The following CREB5 variants were observed in gnomAD, a reference collection of about 807,000 sequenced individuals.
The protein encoded by CREB5 is cAMP responsive element binding protein 5.
A neutral mutation model predicts 57.1 loss-of-function variants in CREB5; 19 were observed. That is an observed-to-expected ratio of 0.33 (90% CI 0.23 to 0.49). The LOEUF is 0.49. Among genes scored for constraint, CREB5 ranks in the 20% least tolerant of loss-of-function variants. The pLI is 0.99. For synonymous variants in CREB5, 238 were observed against 238.3 expected, an observed-to-expected ratio of 1.00 and a Z score of 0.01; for missense variants, 579 against 671.6, an observed-to-expected ratio of 0.86 and a Z score of 1.52.
chr7:28,760,643 A>G (rs1055016784), intron 7 of CREB5, among the ~76,000 whole-genome samples: 1 of 152,006 alleles, frequency 6.6e-6, no homozygotes, highest in Non-Finnish European at 1.5e-5. Flanking sequence ...ATTTCCCTCC[A>G]AAATATAGCA....
intron 1 of CREB5, among the ~76,000 whole-genome samples, chr7:28,425,300 A>G (rs1788458148): frequency 1.3e-5 from 2 of 152,182 alleles, no homozygotes; most frequent in Non-Finnish European, 2.9e-5. Context: ...TATAACATGA[A>G]TGAACCTTGA....
intron 1 of CREB5, among the ~76,000 whole-genome samples, chr7:28,378,297 ATT>A (rs34363769): frequency 1.1e-4 from 16 of 150,786 alleles, no homozygotes; most frequent in African/African-American, 2.4e-4. Context: ...AACTCCTGGG[ATT>A]TTTTTTTTTC....
rs115524630 is a variant in CREB5 at position 28,472,620 on chromosome 7, A to G, written c.4-15555A>G. On this transcript the variant is annotated intron_variant, in intron 1 of 10. Transcript: ENST00000357727. ...ACGCATGGGATAGGCTGTGTGTTTTATTGTATGAGAAGGTGAGCATCTGTT... is the reference window on the plus strand; with the variant it reads ...ACGCATGGGATAGGCTGTGTGTTTTGTTGTATGAGAAGGTGAGCATCTGTT... Among the ~76,000 whole-genome samples, 657 of 152,220 alleles carry G rather than the reference A, an allele frequency of 4.3e-3. 11 individuals carry two copies. The highest frequency in any genetic ancestry group is 0.014 in the African/African-American group (576 of 41,506).
At chr7:28,572,966 A>G (rs1450264023) in intron 5 of CREB5, among the ~76,000 whole-genome samples, 1 of 152,102 alleles carries the variant, frequency 6.6e-6, no homozygotes, top group African/African-American at 2.4e-5. Flanking sequence ...GAGGGAGGCT[A>G]TTTCTTTTAT....
At chr7:28,538,057 T>A (rs1299360180) in intron 4 of CREB5, among the ~76,000 whole-genome samples, 1 of 151,762 alleles carries the variant, frequency 6.6e-6, no homozygotes, top group East Asian at 1.9e-4. Flanking sequence ...TTTTGTTTTG[T>A]TTTTATTTTT....
intron 3 of CREB5, 100 bp downstream of exon 3, chr7:28,495,099 C>T (rs1226816819): frequency 4.2e-6 from 3 of 715,796 alleles, no homozygotes; most frequent in African/African-American, 1.8e-5. Flanking sequence ...GTAAATTGTG[C>T]ACCTTGAAAA....
At chr7:28,504,152 C>T (rs986934604) in intron 3 of CREB5, among the ~76,000 whole-genome samples, 1 of 152,216 alleles carries the variant, frequency 6.6e-6, no homozygotes, top group African/African-American at 2.4e-5. Context: ...TGATCTCACA[C>T]GGTACCAGTT....
chr7:28,552,580 G>T (rs78496132), intron 4 of CREB5, among the ~76,000 whole-genome samples: 12,605 of 152,106 alleles, frequency 0.083, 581 homozygotes, highest in South Asian at 0.13. Context: ...TCTGTCTCCT[G>T]GGCAGTCTTG....
At chr7:28,424,112 G>A (rs953969845) in intron 1 of CREB5, among the ~76,000 whole-genome samples, 4 of 152,104 alleles carry the variant, frequency 2.6e-5, no homozygotes, top group African/African-American at 7.2e-5. Context: ...TCTTCCCTTC[G>A]CATATCTGTC....
At chr7:28,353,537 G>A (rs1312581176) in intron 1 of CREB5, among the ~76,000 whole-genome samples, 1 of 152,106 alleles carries the variant, frequency 6.6e-6, no homozygotes, top group African/African-American at 2.4e-5. Flanking sequence ...GGGAAAGGAA[G>A]CAGCATACAA....
chr7:28,762,622 C>G (rs1253493492), intron 7 of CREB5, among the ~76,000 whole-genome samples: 2 of 152,066 alleles, frequency 1.3e-5, no homozygotes, highest in African/African-American at 4.8e-5. Flanking sequence ...TTCCCTTCTA[C>G]CCAACACAAA....
intron 7 of CREB5, among the ~76,000 whole-genome samples, chr7:28,773,173 A>C (rs1411076436): frequency 6.6e-6 from 1 of 152,186 alleles, no homozygotes; most frequent in Admixed American, 6.5e-5. Context: ...AAACAAACAA[A>C]AAAAAAATCA....
At chr7:28,553,286 T>C (rs17156837) in intron 4 of CREB5, among the ~76,000 whole-genome samples, 7,302 of 152,334 alleles carry the variant, frequency 0.048, 393 homozygotes, top group African/African-American at 0.12. Flanking sequence ...TGCATTTTTG[T>C]GTAAACATGT....
intron 1 of CREB5, among the ~76,000 whole-genome samples, chr7:28,300,104 A>T (rs1785075441): frequency 7.1e-6 from 1 of 141,074 alleles, no homozygotes; most frequent in African/African-American, 2.6e-5. Flanking sequence ...ATTTATTACT[A>T]CCTTAGGTGT....
chr7:28,387,688 T>C (rs1391749304), intron 1 of CREB5, among the ~76,000 whole-genome samples: 1 of 152,066 alleles, frequency 6.6e-6, no homozygotes, highest in Non-Finnish European at 1.5e-5. Flanking sequence ...GATGCTGGGC[T>C]TAATACCTAG....
intron 7 of CREB5, among the ~76,000 whole-genome samples, chr7:28,741,948 C>G (rs1804377383): frequency 6.6e-6 from 1 of 151,696 alleles, no homozygotes. Context: ...CGCCTGTAGT[C>G]CCAGCTACTT....
At chr7:28,609,015 A>T (rs1007217035) in intron 5 of CREB5, 2 of 152,218 alleles carry the variant, frequency 1.3e-5, no homozygotes, top group Non-Finnish European at 2.9e-5. Flanking sequence ...AGTTGTAATA[A>T]GAAAGTCAAA....
At chr7:28,325,617 A>C (rs762853730) in intron 1 of CREB5, among the ~76,000 whole-genome samples, 2 of 152,116 alleles carry the variant, frequency 1.3e-5, no homozygotes, top group Non-Finnish European at 2.9e-5. Context: ...TGTGCCTGCT[A>C]TGCATACTTC....
At chr7:28,681,691 T>G (rs1208286565) in intron 5 of CREB5, among the ~76,000 whole-genome samples, 1 of 152,186 alleles carries the variant, frequency 6.6e-6, no homozygotes. Context: ...TGGGATACAA[T>G]CTGCTTCAGG....
Sources: gnomAD v4.1 joint callset for allele counts (sites outside exome capture counted in the v4.1 genomes callset) on GRCh38, gnomAD v4.1.1 for gene constraint, MANE v1.5 for transcripts, NCBI Gene and HGNC (gene_info 2026-07-23, HGNC 2026-07-21) for gene names.